RPH3A: variants seen among roughly 807,000 people sequenced by gnomAD.
RPH3A encodes the protein rabphilin 3A, also known as rabphilin-3A.
In RPH3A, 48 loss-of-function variants were observed where a neutral mutation model predicts 102.2. The ratio of observed to expected loss-of-function variants is 0.47; its 90% CI spans 0.37 to 0.60. The LOEUF (loss-of-function observed/expected upper bound fraction) is 0.60. Ranked by LOEUF, RPH3A falls within the 20% of genes least tolerant of loss-of-function variation. RPH3A has a pLI of 0.00. For missense variants in RPH3A, 781 were observed against 910.1 expected (o/e 0.86, Z 1.83); for synonymous variants, 310 against 324.3 (o/e 0.96, Z 0.47).
At chr12:112,655,561 G>GGCTTTT (rs2040005008) in intron 1 of RPH3A, among the ~76,000 whole-genome samples, 1 of 94,862 alleles carries the variant, frequency 1.1e-5, no homozygotes, top group South Asian at 3.5e-4. Context: ...ATTTTTGTTG[G>GGCTTTT]TCTTTTTTTT....
chr12:112,618,009 T>G (rs1238865595), intron 1 of RPH3A, among the ~76,000 whole-genome samples: 1 of 152,180 alleles, frequency 6.6e-6, no homozygotes, highest in Non-Finnish European at 1.5e-5. Context: ...CCTTTTGGAG[T>G]ACTTTCTACA....
At chr12:112,713,023 C>CTCTTCT (rs59958503) in intron 1 of RPH3A, among the ~76,000 whole-genome samples, 1 of 52,814 alleles carries the variant, frequency 1.9e-5, no homozygotes, top group African/African-American at 1.1e-4. Context: ...CTTCCTCTTC[C>CTCTTCT]TCTTCTTCTT....
intron 20 of RPH3A, 172 bp from the exon 21 acceptor site, chr12:112,895,601 TGGAA>T (rs1378242099): frequency 8.8e-6 from 5 of 566,748 alleles, no homozygotes; most frequent in Non-Finnish European, 1.6e-5. Context: ...GAGTGTTTGT[TGGAA>T]GGGGATCACG....
chr12:112,652,808 C>T (rs191483525), intron 1 of RPH3A, among the ~76,000 whole-genome samples: 24 of 152,306 alleles, frequency 1.6e-4, no homozygotes, highest in African/African-American at 5.5e-4. Flanking sequence ...GACCTCTGCC[C>T]TCAAAGAGCA....
intron 16 of RPH3A, among the ~76,000 whole-genome samples, chr12:112,886,399 A>T (rs529656080): frequency 6.6e-6 from 1 of 151,970 alleles, no homozygotes; most frequent in Non-Finnish European, 1.5e-5. Flanking sequence ...TTGGATCATC[A>T]GGCATTAGAT....
At chr12:112,860,865 A>T (rs1362749625) in intron 5 of RPH3A, among the ~76,000 whole-genome samples, 2 of 152,232 alleles carry the variant, frequency 1.3e-5, no homozygotes, top group African/African-American at 4.8e-5. Flanking sequence ...ACTGTGTATA[A>T]GAAAAATGTC....
intron 3 of RPH3A, chr12:112,831,729 T>C (rs956372293): frequency 9.2e-5 from 42 of 454,968 alleles, no homozygotes; most frequent in Non-Finnish European, 1.6e-4. Flanking sequence ...CATTGATTTA[T>C]CCCTTGTTCT....
chr12:112,631,479 C>T (rs1405665271), intron 1 of RPH3A, among the ~76,000 whole-genome samples: 1 of 152,022 alleles, frequency 6.6e-6, no homozygotes, highest in African/African-American at 2.4e-5. Context: ...AGTTCAAACC[C>T]ACTTTTAACA....
At chr12:112,737,000 C>G (rs1279633656) in intron 1 of RPH3A, among the ~76,000 whole-genome samples, 1 of 151,694 alleles carries the variant, frequency 6.6e-6, no homozygotes, top group Non-Finnish European at 1.5e-5. Context: ...ACAAAAAATA[C>G]AAAAATTATC....
At chr12:112,579,973 C>G (rs1470613410) in intron 1 of RPH3A, among the ~76,000 whole-genome samples, 1 of 152,186 alleles carries the variant, frequency 6.6e-6, no homozygotes, top group Non-Finnish European at 1.5e-5. Flanking sequence ...TTCATTCACT[C>G]TCTCACTGAC....
chr12:112,888,562 T>A (rs1332654431), intron 17 of RPH3A, among the ~76,000 whole-genome samples: 1 of 152,202 alleles, frequency 6.6e-6, no homozygotes, highest in Non-Finnish European at 1.5e-5. Flanking sequence ...GGCAAATTAT[T>A]TAATTTCTCT....
At chr12:112,579,512 T>C (rs1355526368) in intron 1 of RPH3A, among the ~76,000 whole-genome samples, 1 of 152,142 alleles carries the variant, frequency 6.6e-6, no homozygotes, top group Admixed American at 6.5e-5. Context: ...TTTTCATCTT[T>C]CCTCTTGTAT....
At chr12:112,632,752 G>A (rs1196989859) in intron 1 of RPH3A, among the ~76,000 whole-genome samples, 2 of 152,208 alleles carry the variant, frequency 1.3e-5, no homozygotes, top group African/African-American at 2.4e-5. Context: ...CTGGCATCTA[G>A]TGCAGTGGAC....
chr12:112,743,389 A>G lies in RPH3A; in HGVS notation c.-139-48754A>G, dbSNP rs541157337. Among the ~76,000 whole-genome samples, 13 of 152,320 alleles carry G rather than the reference A, an allele frequency of 8.5e-5. No individual in the cohort carries two copies. In the South Asian group the frequency reaches 2.5e-3, roughly 29 times the overall value. On this transcript the variant is annotated intron_variant, in intron 1 of 21. Coordinates refer to the RPH3A transcript ENST00000543106. Reference sequence around the variant, plus strand: ...CTGGGTATCAAGCATCCCACCTGCAATATTTGTTTCCCATCAGAGAGATGC... The same window carrying G: ...CTGGGTATCAAGCATCCCACCTGCAGTATTTGTTTCCCATCAGAGAGATGC...
chr12:112,819,437 C>G (rs2041738309), intron 2 of RPH3A, among the ~76,000 whole-genome samples: 1 of 152,144 alleles, frequency 6.6e-6, no homozygotes, highest in Admixed American at 6.6e-5. Context: ...CCTCATTTTA[C>G]AGATGCAAAA....
At chr12:112,823,350 C>G (rs1458667158) in intron 2 of RPH3A, among the ~76,000 whole-genome samples, 1 of 152,316 alleles carries the variant, frequency 6.6e-6, no homozygotes, top group East Asian at 1.9e-4. Context: ...GCTTAGCCAC[C>G]CTGAGCCTGA....
chr12:112,854,238 C>G (rs962730919), intron 5 of RPH3A, among the ~76,000 whole-genome samples: 3 of 152,198 alleles, frequency 2.0e-5, no homozygotes, highest in Admixed American at 2.0e-4. Flanking sequence ...TCAGTGTCCC[C>G]GAGGGGCAAA....
At chr12:112,684,155 G>T (rs576528241) in intron 1 of RPH3A, among the ~76,000 whole-genome samples, 1 of 152,270 alleles carries the variant, frequency 6.6e-6, no homozygotes, top group Admixed American at 6.5e-5. Flanking sequence ...AGGTGTACAT[G>T]TTAACATATT....
chr12:112,824,170 C>G (rs1268804357), intron 2 of RPH3A, among the ~76,000 whole-genome samples: 2 of 152,218 alleles, frequency 1.3e-5, no homozygotes, highest in Non-Finnish European at 2.9e-5. Flanking sequence ...GTGGCTTCAC[C>G]TGAAGTCTGG....
Sources: allele counts gnomAD v4.1 joint callset (sites outside exome capture counted in the v4.1 genomes callset), GRCh38; gene constraint gnomAD v4.1.1; transcripts MANE v1.5; gene names NCBI Gene and HGNC (gene_info 2026-07-23, HGNC 2026-07-21).